Variants in DAPK2 observed in about 807,000 individuals in gnomAD.
DAPK2 encodes the protein death-associated protein kinase 2.
A neutral mutation model predicts 44.1 loss-of-function variants in DAPK2; 35 were observed. The observed-to-expected ratio is 0.79, with a 90% CI of 0.61 to 1.05. DAPK2 has a LOEUF of 1.05. Ranked by LOEUF, DAPK2 falls within the 50% of genes least tolerant of loss-of-function variation. DAPK2 has a pLI of 0.00. For synonymous variants in DAPK2, 174 were observed against 182.6 expected (o/e 0.95, Z 0.38); for missense variants, 453 against 483.2 (o/e 0.94, Z 0.59).
chr15:63,959,285 T>C (rs995442345), intron 3 of DAPK2, among the ~76,000 whole-genome samples: 4 of 152,240 alleles, frequency 2.6e-5, no homozygotes, highest in African/African-American at 9.6e-5. Flanking sequence ...AAATATACAA[T>C]CGTATCATCT....
At chr15:63,935,244 C>T (rs1352422478) in intron 4 of DAPK2, among the ~76,000 whole-genome samples, 1 of 152,012 alleles carries the variant, frequency 6.6e-6, no homozygotes, top group Non-Finnish European at 1.5e-5. Context: ...GCGTGCGCCA[C>T]CATGCCTGGC....
Position 63,908,820 on chromosome 15 carries a change from G to T in DAPK2, c.1033-220C>A, listed in dbSNP as rs1401337935. The T allele has an allele frequency of 5.1e-6, 2 of 393,846 alleles. No homozygotes were observed. Among genetic ancestry groups the T allele is most frequent in the African/African-American group, 2.1e-5 (1 of 47,934 alleles). 24.4% of individuals were successfully genotyped at this position (393,846 alleles called of 1,614,324 possible). On this transcript the variant is annotated intron_variant, in intron 10 of 10. Transcript: ENST00000261891. The surrounding 1 kb of genome is among the most constrained non-coding windows in gnomAD (Gnocchi z 5.7). ...TGCTTGGAGGAAGGAAAGCAGCAGG[G>T]CATCTAAGGGAAACCAGACATCAGG...
chr15:63,984,332 C>T (rs913468027), intron 1 of DAPK2, among the ~76,000 whole-genome samples: 2 of 152,220 alleles, frequency 1.3e-5, no homozygotes, highest in African/African-American at 4.8e-5. Context: ...AGATACCCAA[C>T]CGGCTGTCCA....
At chr15:64,026,578 C>T (rs891857987) in intron 1 of DAPK2, among the ~76,000 whole-genome samples, 1 of 152,082 alleles carries the variant, frequency 6.6e-6, no homozygotes, top group Admixed American at 6.6e-5. Context: ...CTTTGGTTTC[C>T]CCAGCAAGGT....
chr15:64,031,580 G>C (rs1011323733), intron 1 of DAPK2, among the ~76,000 whole-genome samples: 1 of 152,194 alleles, frequency 6.6e-6, no homozygotes, highest in African/African-American at 2.4e-5. Flanking sequence ...TTTCCCAGCA[G>C]CAAGAAATAC....
chr15:63,993,739 C>G (rs75882912), intron 1 of DAPK2, among the ~76,000 whole-genome samples: 1 of 152,018 alleles, frequency 6.6e-6, no homozygotes, highest in Admixed American at 6.6e-5. Flanking sequence ...CTTCCTTTTC[C>G]CTTGGGGCCT....
In DAPK2 at chr15:63,908,551, AG is replaced by A; in HGVS notation, c.1081del (p.Leu361SerfsTer45). The A allele has an allele frequency of 6.2e-7, 1 of 1,601,860 alleles. No individual in the cohort carries two copies. The highest frequency in any genetic ancestry group is 1.7e-5 in the Admixed American group (1 of 58,128). ...GGTGCTGCTCCTCCTCCGTGGGTGG[AG>A]GGCTTTCCTCCTGGCGATGTCCTCC... On this transcript the variant is annotated frameshift_variant, in exon 11 of 11. Transcript: ENST00000261891. LOFTEE classifies it high-confidence loss of function. The surrounding 1 kb of genome is among the most constrained non-coding windows in gnomAD (Gnocchi z 5.7).
intron 1 of DAPK2, among the ~76,000 whole-genome samples, chr15:64,000,999 C>T (rs970538762): frequency 2.0e-5 from 3 of 152,082 alleles, no homozygotes; most frequent in African/African-American, 4.8e-5. Context: ...CCTGCCTCAG[C>T]CTCCCAAGTA....
At chr15:63,933,725 A>G (rs1010399783) in intron 4 of DAPK2, among the ~76,000 whole-genome samples, 3 of 151,736 alleles carry the variant, frequency 2.0e-5, no homozygotes, top group African/African-American at 7.3e-5. Flanking sequence ...CAGCCTCCCA[A>G]GTAGCTGGGA....
chr15:63,955,265 A>G (rs552278412), intron 3 of DAPK2, among the ~76,000 whole-genome samples: 14 of 152,346 alleles, frequency 9.2e-5, no homozygotes, highest in African/African-American at 2.4e-4. Context: ...TTACCCACTC[A>G]GTATGATACT....
rs201858240 is a variant in DAPK2 at position 63,924,767 on chromosome 15, G to A, written c.858+49C>T. ...TCTGGCTGCCCAGGCCAACCCTGGC[G>A]ACAGAGCAGGGACCCTTTGCCCATT... On this transcript the variant is annotated intron_variant, in intron 8 of 10. Coordinates refer to ENST00000261891, the Ensembl canonical transcript of DAPK2. 3.5e-5 allele frequency: 56 copies of A among 1,607,560 alleles called. No individual in the cohort carries two copies. In the Middle Eastern group the frequency reaches 8.4e-4, roughly 24 times the overall value.
exon 11 of DAPK2, chr15:63,907,596 T>G (rs1416159218): frequency 6.6e-6 from 1 of 152,214 alleles, no homozygotes; most frequent in Admixed American, 6.5e-5. Flanking sequence ...ATTTTTTGTA[T>G]TTTTTGTACA....
chr15:64,003,124 G>A (rs1272957601), intron 1 of DAPK2, among the ~76,000 whole-genome samples: 1 of 151,944 alleles, frequency 6.6e-6, no homozygotes, highest in Admixed American at 6.6e-5. Context: ...AGGAGGGTGG[G>A]TGGATGCAAT....
At chr15:64,045,222 C>A (rs1001431720), upstream of DAPK2, among the ~76,000 whole-genome samples, 2 of 152,180 alleles carry the variant, frequency 1.3e-5, no homozygotes, top group African/African-American at 2.4e-5. Context: ...TCCACACACC[C>A]CTGACCCCTC....
intron 8 of DAPK2, chr15:63,922,641 CT>C: frequency 6.9e-7 from 1 of 1,442,668 alleles, no homozygotes; most frequent in African/African-American, 1.4e-5. Flanking sequence ...ACACACACCC[CT>C]GCAGGATAAT....
At chr15:64,030,979 T>TACACAC (rs71131201) in intron 1 of DAPK2, among the ~76,000 whole-genome samples, 22,172 of 140,116 alleles carry the variant, frequency 0.16, 1,904 homozygotes, top group African/African-American at 0.23. Context: ...AATACACACA[T>TACACAC]ACACACACAC....
intron 3 of DAPK2, among the ~76,000 whole-genome samples, chr15:63,942,629 C>T (rs747975033): frequency 1.3e-5 from 2 of 152,024 alleles, no homozygotes; most frequent in Admixed American, 6.6e-5. Context: ...ATGTTTCCCC[C>T]GCCCGAGTCT....
chr15:64,010,711 G>C (rs1459461968), intron 1 of DAPK2, among the ~76,000 whole-genome samples: 3 of 152,188 alleles, frequency 2.0e-5, no homozygotes, highest in African/African-American at 7.2e-5. Flanking sequence ...AAAACAATGG[G>C]TCAGTCTGCT....
chr15:63,987,451 A>C lies in DAPK2; in HGVS notation c.93-3697T>G, dbSNP rs116779368. ...CTAATGAAAGTCATTGCTAACACTA[A>C]ATCAAAAATGATGGGAATACTGGAA... On this transcript the variant is annotated intron_variant, in intron 1 of 10. Coordinates refer to ENST00000261891, the Ensembl canonical transcript of DAPK2. 6.9e-3 allele frequency among the ~76,000 whole-genome samples: 1,045 copies of C among 152,290 alleles called. 8 individuals carry two copies. Among genetic ancestry groups the C allele is most frequent in the African/African-American group, 0.023 (966 of 41,548 alleles).
Sources: gnomAD v4.1 joint callset for allele counts (sites outside exome capture counted in the v4.1 genomes callset) on GRCh38, gnomAD v4.1.1 for gene constraint, Gnocchi (gnomAD v3.1) non-coding constraint, MANE v1.5 for transcripts, NCBI Gene and HGNC (gene_info 2026-07-23, HGNC 2026-07-21) for gene names.